The following KIAA1549L variants were observed in gnomAD, a reference collection of about 807,000 sequenced individuals.
The protein encoded by KIAA1549L is UPF0606 protein KIAA1549L.
KIAA1549L carries 88 observed loss-of-function variants against 160.7 expected under a neutral mutation model. That is an observed-to-expected ratio of 0.55 (90% CI 0.46 to 0.65). The LOEUF (loss-of-function observed/expected upper bound fraction) is 0.65. KIAA1549L is among the 30% of genes least tolerant of loss of function. The pLI is 0.00. For synonymous variants in KIAA1549L, 950 were observed against 976.7 expected (o/e 0.97, Z 0.51); for missense variants, 2,258 against 2,437.5 (o/e 0.93, Z 1.55).
chr11:33,602,963 G>A (rs1850402501), intron 13 of KIAA1549L, among the ~76,000 whole-genome samples: 1 of 152,128 alleles, frequency 6.6e-6, no homozygotes, highest in Non-Finnish European at 1.5e-5. Flanking sequence ...TCCCATTAAT[G>A]CTATGCTGCC....
At chr11:33,612,454 G>T (rs1850672239) in intron 15 of KIAA1549L, among the ~76,000 whole-genome samples, 1 of 152,124 alleles carries the variant, frequency 6.6e-6, no homozygotes, top group African/African-American at 2.4e-5. Flanking sequence ...ATGGGGTTTT[G>T]CCATGTTGCT....
intron 1 of KIAA1549L, among the ~76,000 whole-genome samples, chr11:33,460,931 A>C (rs1851928813): frequency 6.6e-6 from 1 of 152,126 alleles, no homozygotes; most frequent in Admixed American, 6.5e-5. Flanking sequence ...CCAAAGTGCC[A>C]TGTATGGTTA....
intron 1 of KIAA1549L, among the ~76,000 whole-genome samples, chr11:33,484,720 A>C (rs761275378): frequency 1.3e-5 from 2 of 152,262 alleles, no homozygotes; most frequent in South Asian, 4.2e-4. Context: ...TAGGTTTTCC[A>C]TGGTTGTGTA....
chr11:33,403,283 A>ATG (rs1565121766), intron 1 of KIAA1549L: 17 of 29,644 alleles, frequency 5.7e-4, no homozygotes, highest in South Asian at 2.0e-3. Context: ...ACAGACACAG[A>ATG]CACACACACA....
intron 10 of KIAA1549L, among the ~76,000 whole-genome samples, chr11:33,581,397 TTGTGTGTGTGTGTGTG>T (rs10579855): frequency 1.2e-4 from 18 of 149,778 alleles, no homozygotes; most frequent in South Asian, 8.5e-4. Context: ...TTCTGACAAA[TTGTGTGTGTGTGTGTG>T]TGTGTGTGTG....
At chr11:33,483,175 C>CAGAG (rs1419360625) in intron 1 of KIAA1549L, among the ~76,000 whole-genome samples, 1 of 152,114 alleles carries the variant, frequency 6.6e-6, no homozygotes, top group Non-Finnish European at 1.5e-5. Flanking sequence ...GCCTTTACCT[C>CAGAG]AGAGACTAAC....
In KIAA1549L at chr11:33,545,238, T is replaced by C. The variant is rs773649484; in HGVS notation, c.3245T>C (p.Val1082Ala). Reference sequence around the variant, plus strand: ...GCGCTGACATCCATTACAGCCTCAGTGAAGGCCACCCGGTTGCCACCATTG... The same window carrying C: ...GCGCTGACATCCATTACAGCCTCAGCGAAGGCCACCCGGTTGCCACCATTG... ...TAALTSITAS[V>A]KATRLPPLRA... Residue 1082 changes from valine (V) to alanine (A), a missense_variant, in exon 3 of 21, where the codon GTG (valine) becomes GCG (alanine). Transcript: ENST00000658780. The C allele has an allele frequency of 6.2e-7, 1 of 1,613,968 alleles. No individual in the cohort carries two copies. Among genetic ancestry groups the C allele is most frequent in the South Asian group, 1.1e-5 (1 of 91,080 alleles).
intron 1 of KIAA1549L, among the ~76,000 whole-genome samples, chr11:33,377,646 A>G (rs1160886245): frequency 6.6e-6 from 1 of 152,162 alleles, no homozygotes; most frequent in Non-Finnish European, 1.5e-5. Context: ...CTGCACTTGG[A>G]AAGGGCAGGC....
At chr11:33,507,034 A>C (rs1328345525) in intron 1 of KIAA1549L, among the ~76,000 whole-genome samples, 1 of 152,160 alleles carries the variant, frequency 6.6e-6, no homozygotes, top group Admixed American at 6.5e-5. Flanking sequence ...CTCCTGAGCC[A>C]CTCAGTCCAG....
intron 15 of KIAA1549L, among the ~76,000 whole-genome samples, chr11:33,618,137 A>G (rs1277558614): frequency 6.6e-6 from 1 of 152,230 alleles, no homozygotes; most frequent in Non-Finnish European, 1.5e-5. Flanking sequence ...AACCAGAAAG[A>G]GTAAAAGGAA....
intron 1 of KIAA1549L, among the ~76,000 whole-genome samples, chr11:33,425,281 A>C (rs1851093531): frequency 6.6e-6 from 1 of 152,060 alleles, no homozygotes; most frequent in Non-Finnish European, 1.5e-5. Flanking sequence ...CCTATTTTAA[A>C]ATTTTGTCAA....
chr11:33,438,622 C>A (rs1237759616), intron 1 of KIAA1549L, among the ~76,000 whole-genome samples: 1 of 152,202 alleles, frequency 6.6e-6, no homozygotes, highest in Non-Finnish European at 1.5e-5. Context: ...AACGAAGAGG[C>A]AGTTCATTAA....
chr11:33,457,649 G>A (rs1186945967), intron 1 of KIAA1549L, among the ~76,000 whole-genome samples: 1 of 152,214 alleles, frequency 6.6e-6, no homozygotes, highest in Admixed American at 6.5e-5. Flanking sequence ...TCATCCTGGT[G>A]TTTCCACAGC....
At chr11:33,437,153 T>C (rs557214670) in intron 1 of KIAA1549L, among the ~76,000 whole-genome samples, 1 of 152,342 alleles carries the variant, frequency 6.6e-6, no homozygotes, top group East Asian at 1.9e-4. Flanking sequence ...GTATGTTAAT[T>C]ATTTTAATAA....
rs1565167460 is a variant in KIAA1549L at position 33,520,683 on chromosome 11, CAACACACACACA to C, written c.239-21118_239-21107del. On this transcript the variant is annotated intron_variant, in intron 1 of 20. Coordinates refer to ENST00000658780, the MANE Select transcript of KIAA1549L (RefSeq NM_012194.3). ...TTGGTGGACATACACCCCCCACCCC[CAACACACACACA>C]CACACACACACACACACACACACAC... Among the ~76,000 whole-genome samples, 6 of 52,226 alleles carry C rather than the reference CAACACACACACA, an allele frequency of 1.1e-4. 2 individuals carry two copies. The highest frequency in any genetic ancestry group is 4.3e-4 in the African/African-American group (5 of 11,744). The allele number at this position is 52,226 out of a possible 152,430, so 34.3% of individuals were successfully genotyped here.
At chr11:33,555,078 T>C (rs930642679) in intron 6 of KIAA1549L, among the ~76,000 whole-genome samples, 3 of 142,040 alleles carry the variant, frequency 2.1e-5, no homozygotes, top group African/African-American at 8.1e-5. Flanking sequence ...TAGTCTTAAG[T>C]ATACATCAAG....
At chr11:33,476,345 C>G (rs1051967581) in intron 1 of KIAA1549L, among the ~76,000 whole-genome samples, 1 of 152,086 alleles carries the variant, frequency 6.6e-6, no homozygotes, top group Non-Finnish European at 1.5e-5. Context: ...AGGCTGGTGC[C>G]AGATGTTGAA....
intron 1 of KIAA1549L, among the ~76,000 whole-genome samples, chr11:33,480,729 A>G (rs539737905): frequency 1.1e-4 from 17 of 152,276 alleles, no homozygotes; most frequent in Non-Finnish European, 2.1e-4. Context: ...TGGTTTTCCT[A>G]TTCTCCGTTT....
intron 12 of KIAA1549L, among the ~76,000 whole-genome samples, chr11:33,592,701 C>T (rs975931278): frequency 7.9e-5 from 12 of 152,162 alleles, no homozygotes; most frequent in African/African-American, 2.9e-4. Flanking sequence ...CTATCTATTT[C>T]TGGATCAGGT....
Sources: gnomAD v4.1 joint callset for allele counts (sites outside exome capture counted in the v4.1 genomes callset) on GRCh38, gnomAD v4.1.1 for gene constraint, MANE v1.5 for transcripts, NCBI Gene and HGNC (gene_info 2026-07-23, HGNC 2026-07-21) for gene names.